Variants in VPS13C observed in about 807,000 individuals in gnomAD.
The protein encoded by VPS13C is intermembrane lipid transfer protein VPS13C.
A neutral mutation model predicts 456.8 loss-of-function variants in VPS13C; 358 were observed. The observed-to-expected ratio is 0.78, with a 90% CI of 0.72 to 0.86. VPS13C has a LOEUF of 0.86. Ranked by LOEUF, VPS13C falls within the 40% of genes least tolerant of loss-of-function variation. The probability of loss-of-function intolerance (pLI) is 0.00; values close to 1 mark genes in which losing one functional copy is unlikely to be tolerated. For synonymous variants in VPS13C, 1,578 were observed against 1,486.7 expected (o/e 1.06, Z -1.41); for missense variants, 4,818 against 4,385.4 (o/e 1.10, Z -2.79).
At position 61,904,962 on chromosome 15, in the gene VPS13C, T is replaced by C. The variant is rs1010910296; in HGVS notation, c.9105+2302A>G. Among the ~76,000 whole-genome samples the C allele has an allele frequency of 3.3e-5, 5 of 151,766 alleles. No homozygotes were observed. In the South Asian group the frequency reaches 8.3e-4, roughly 25 times the overall value. On this transcript the variant is annotated intron_variant, in intron 66 of 84. Transcript: ENST00000644861. ...TATTTTACTTTATAGAGAGTTGATG[T>C]TGGTTACCAAAGGATGAGAAGGGGA...
intron 66 of VPS13C, among the ~76,000 whole-genome samples, chr15:61,900,535 A>G (rs1364805830): frequency 2.0e-5 from 3 of 152,164 alleles, no homozygotes; most frequent in Non-Finnish European, 4.4e-5. Flanking sequence ...TAAAATACCT[A>G]GGAATCCAAC....
rs534571556 is a variant in VPS13C at position 61,865,830 on chromosome 15, GTAGAA to G, written c.10864-2307_10864-2303del. On this transcript the variant is annotated intron_variant, in intron 81 of 84. Transcript: ENST00000644861. ...TATATATATGAAGATTAGAGGATAA[GTAGAA>G]TAGTACATCTCATGGAAATATAATA... is the stretch of plus-strand genomic sequence containing the variant. The G allele has an allele frequency of 4.1e-5, 37 of 903,248 alleles. No homozygotes were observed. The South Asian group carries it at 1.8e-3, about 44-fold the overall frequency. The allele number at this position is 903,248 out of a possible 1,614,324, so 56.0% of individuals were successfully genotyped here.
chr15:62,014,064 T>G (rs28493143), intron 9 of VPS13C, 72 bp from the exon 10 acceptor site: 6 of 1,077,964 alleles, frequency 5.6e-6, no homozygotes, highest in Middle Eastern at 2.3e-4. Context: ...ACTTACATAA[T>G]GTAACAAAAT....
chr15:61,871,126 G>A (rs1396130359), intron 79 of VPS13C, among the ~76,000 whole-genome samples: 2 of 152,042 alleles, frequency 1.3e-5, no homozygotes, highest in African/African-American at 4.8e-5. Flanking sequence ...TTCAATTTAT[G>A]TATTTGATGA....
chr15:61,995,722 G>T (rs1016342573), intron 16 of VPS13C, among the ~76,000 whole-genome samples: 2 of 152,162 alleles, frequency 1.3e-5, no homozygotes, highest in Admixed American at 6.5e-5. Context: ...TTCTGCCAAG[G>T]AAAGTGGATC....
rs995785285 is a variant in VPS13C, at chr15:61,931,665, C to T, written c.5869-406G>A. 1.1e-4 allele frequency among the ~76,000 whole-genome samples: 16 copies of T among 151,468 alleles called. No individual in the cohort carries two copies. In the East Asian group the frequency reaches 1.7e-3, roughly 16 times the overall value. ...CGATCTCGGCTCACTGCATCCTCCA[C>T]CTCCTGCGTTTAAGCAATTCTCCGC... On this transcript the variant is annotated intron_variant, in intron 49 of 84. Coordinates refer to ENST00000644861, the MANE Select transcript of VPS13C (RefSeq NM_020821.3).
chr15:62,010,701 T>A, intron 12 of VPS13C, 102 bp from the exon 13 acceptor site: 1 of 1,182,076 alleles, frequency 8.5e-7, no homozygotes, highest in Middle Eastern at 2.1e-4. Flanking sequence ...TAAAGAAAAA[T>A]GATCAAAAAT....
chr15:61,881,522 T>C (rs1895848573), intron 71 of VPS13C, 41 bp downstream of exon 71: 1 of 1,525,306 alleles, frequency 6.6e-7, no homozygotes. Flanking sequence ...TAGATTCTCA[T>C]TTTAAATTCT....
intron 47 of VPS13C, among the ~76,000 whole-genome samples, chr15:61,937,829 A>C (rs190165965): frequency 5.1e-4 from 77 of 152,318 alleles, no homozygotes; most frequent in Non-Finnish European, 9.4e-4. Flanking sequence ...AAGAAACTAA[A>C]ACAAACGAAA....
At chr15:61,866,088 T>G in intron 81 of VPS13C, 1 of 984,858 alleles carries the variant, frequency 1.0e-6, no homozygotes, top group Non-Finnish European at 1.2e-6. Flanking sequence ...TCCAGTACAG[T>G]CTAAATAATC....
chr15:62,022,017 T>C (rs143670769), intron 8 of VPS13C, among the ~76,000 whole-genome samples: 55 of 152,048 alleles, frequency 3.6e-4, no homozygotes, highest in Non-Finnish European at 7.4e-4. Flanking sequence ...TATTCCAATA[T>C]GTATATACAC....
At chr15:62,039,521 T>C in intron 3 of VPS13C, among the ~76,000 whole-genome samples, 1 of 151,632 alleles carries the variant, frequency 6.6e-6, no homozygotes, top group East Asian at 1.9e-4. Flanking sequence ...GGAAAAAATC[T>C]AATAATCTGA....
intron 66 of VPS13C, among the ~76,000 whole-genome samples, chr15:61,895,354 T>A (rs1023303459): frequency 6.6e-6 from 1 of 151,420 alleles, no homozygotes; most frequent in Non-Finnish European, 1.5e-5. Context: ...GAAAAAATAA[T>A]AAAGATCAGA....
chr15:61,892,057 C>T (rs2042668707), intron 66 of VPS13C, among the ~76,000 whole-genome samples: 1 of 152,228 alleles, frequency 6.6e-6, no homozygotes, highest in Non-Finnish European at 1.5e-5. Flanking sequence ...GAGATCAAAG[C>T]AGAAAGCCAG....
chr15:62,014,990 CA>C lies in VPS13C; in HGVS notation c.685-999del, dbSNP rs1161352288. The stretch of plus-strand genomic sequence containing the variant: ...AGAATGAAGAGTCTGAGCAAAGATA[CA>C]AAGGGACAAACAGCAGCAAACACTA... On this transcript the variant is annotated intron_variant, in intron 9 of 84. Transcript: ENST00000644861. 5.9e-5 allele frequency among the ~76,000 whole-genome samples: 9 copies of C among 152,200 alleles called. No homozygotes were observed. In the East Asian group the frequency reaches 1.7e-3, roughly 29 times the overall value.
At chr15:61,896,897 G>A (rs919650824) in intron 66 of VPS13C, among the ~76,000 whole-genome samples, 1 of 152,204 alleles carries the variant, frequency 6.6e-6, no homozygotes, top group East Asian at 1.9e-4. Context: ...GTATGCAGCT[G>A]GAGATCTGAG....
intron 76 of VPS13C, among the ~76,000 whole-genome samples, 158 bp from the exon 77 acceptor site, chr15:61,875,109 T>C (rs1397252196): frequency 6.6e-6 from 1 of 152,112 alleles, no homozygotes; most frequent in African/African-American, 2.4e-5. Flanking sequence ...ATGGATAGAA[T>C]ATCTATTGTG....
Position 61,854,280 on chromosome 15 carries a change from C to T in VPS13C, c.*177G>A, listed in dbSNP as rs1893789351. ...TGGACTGCTAGCATATACATGGTTA[C>T]AAAATTAGAGTAAAAACTAAAAGGT... On this transcript the variant is annotated 3_prime_UTR_variant, in exon 85 of 85. Coordinates refer to ENST00000644861, the MANE Select transcript of VPS13C (RefSeq NM_020821.3). The T allele has an allele frequency of 4.7e-6, 3 of 638,896 alleles. No homozygotes were observed. In the South Asian group the frequency reaches 5.8e-5, roughly 12 times the overall value. 39.6% of individuals were successfully genotyped at this position (638,896 alleles called of 1,614,324 possible).
intron 51 of VPS13C, 40 bp from the exon 52 acceptor site, chr15:61,927,360 A>T (rs1183897489): frequency 2.0e-6 from 3 of 1,527,612 alleles, no homozygotes; most frequent in Non-Finnish European, 2.7e-6. Flanking sequence ...AGTTTAAGGT[A>T]AGTCTTTTCA....
Sources: gnomAD v4.1 joint callset for allele counts (sites outside exome capture counted in the v4.1 genomes callset) on GRCh38, gnomAD v4.1.1 for gene constraint, MANE v1.5 for transcripts, NCBI Gene and HGNC (gene_info 2026-07-23, HGNC 2026-07-21) for gene names.